Variants in FCRL6 observed in about 807,000 individuals in gnomAD.
FCRL6 encodes Fc receptor-like protein 6.
A neutral mutation model predicts 49.1 loss-of-function variants in FCRL6; 50 were observed. The observed-to-expected ratio is 1.02, with a 90% CI of 0.81 to 1.29. FCRL6 has a LOEUF of 1.29. Among genes scored for constraint, FCRL6 ranks in the 50% most tolerant of loss-of-function variants. The pLI, the probability that FCRL6 is intolerant of heterozygous loss-of-function variation, is 0.00. For synonymous variants in FCRL6, 213 were observed against 199.6 expected (o/e 1.07, Z -0.57); for missense variants, 571 against 518.5 (o/e 1.10, Z -0.98).
chr1:159,806,977 A>G (rs1438023076), intron 2 of FCRL6, among the ~76,000 whole-genome samples: 1 of 152,214 alleles, frequency 6.6e-6, no homozygotes, highest in East Asian at 1.9e-4. Flanking sequence ...TCAGAGAAGC[A>G]GCAGGCACCT....
At chr1:159,805,826 C>T (rs1662639229) in intron 1 of FCRL6, among the ~76,000 whole-genome samples, 1 of 152,174 alleles carries the variant, frequency 6.6e-6, no homozygotes, top group Admixed American at 6.5e-5. Context: ...TTTGCCAGAG[C>T]TCTGTGGAGA....
chr1:159,813,353 G>A, intron 6 of FCRL6, 136 bp from the exon 7 acceptor site: 1 of 705,688 alleles, frequency 1.4e-6, no homozygotes, highest in Admixed American at 2.2e-5. Context: ...GTCCAGACCT[G>A]TGAACTAGCC....
chr1:159,814,999 T>C (rs1663310787), intron 8 of FCRL6, among the ~76,000 whole-genome samples: 1 of 152,234 alleles, frequency 6.6e-6, no homozygotes, highest in South Asian at 2.1e-4. Context: ...GAATAGAACC[T>C]AGGTTCTAGA....
At chr1:159,811,674 A>C (rs1663093409) in intron 6 of FCRL6, among the ~76,000 whole-genome samples, 1 of 151,986 alleles carries the variant, frequency 6.6e-6, no homozygotes, top group Non-Finnish European at 1.5e-5. Flanking sequence ...TCCCATCCCC[A>C]CCCTTCTCAC....
upstream of FCRL6, chr1:159,802,323 GCCAC>G: frequency 7.2e-7 from 1 of 1,383,664 alleles, no homozygotes; most frequent in Non-Finnish European, 1.0e-6. Context: ...CCCAGCTCAG[GCCAC>G]CCACCCACCT....
upstream of FCRL6, among the ~76,000 whole-genome samples, chr1:159,800,784 C>G (rs769506936): frequency 6.6e-6 from 1 of 152,196 alleles, no homozygotes; most frequent in Non-Finnish European, 1.5e-5. Flanking sequence ...CTGTCCATTC[C>G]TGGCCTCAGC....
At chr1:159,811,222 C>T (rs902988490) in intron 6 of FCRL6, among the ~76,000 whole-genome samples, 9 of 152,220 alleles carry the variant, frequency 5.9e-5, no homozygotes, top group South Asian at 2.1e-4. Context: ...CCAACTCTAA[C>T]CTTTGCTCGC....
chr1:159,814,316 G>A, intron 8 of FCRL6, 24 bp downstream of exon 8: 2 of 1,604,306 alleles, frequency 1.2e-6, no homozygotes, highest in South Asian at 2.2e-5. Context: ...GGCCAAACTT[G>A]GTACCTTTGC....
intron 3 of FCRL6, 87 bp downstream of exon 3, chr1:159,808,531 C>A: frequency 6.6e-7 from 1 of 1,523,554 alleles, no homozygotes; most frequent in Non-Finnish European, 9.1e-7. Context: ...TGGGCTGGAC[C>A]CCTGTCTCTG....
chr1:159,810,135 C>CCT lies in FCRL6; in HGVS notation c.929_930dup (p.Trp311LeufsTer10). On this transcript the variant is annotated frameshift_variant, in exon 6 of 10. Coordinates refer to ENST00000368106, the MANE Select transcript of FCRL6 (RefSeq NM_001004310.3). LOFTEE classifies it high-confidence loss of function. ...CACTCCCGCCAGCAACTGGCTGGTT[C>CCT]CTTGGCTTCCTGCGAGCCTGCTTGG... 6.2e-7 allele frequency: 1 copy of CCT among 1,613,956 alleles called. No individual in the cohort carries two copies. The highest frequency in any genetic ancestry group is 8.5e-7 in the Non-Finnish European group (1 of 1,179,930).
At chr1:159,809,961 C>A in intron 5 of FCRL6, 133 bp from the exon 6 acceptor site, 1 of 1,130,370 alleles carries the variant, frequency 8.8e-7, no homozygotes, top group Non-Finnish European at 1.3e-6. Flanking sequence ...ATCCTTCATG[C>A]CCATCTATGA....
At chr1:159,807,551 G>A (rs61821627) in intron 2 of FCRL6, among the ~76,000 whole-genome samples, 13,458 of 152,268 alleles carry the variant, frequency 0.088, 821 homozygotes, top group Non-Finnish European at 0.13. Context: ...CCTTCCATAA[G>A]AGTGGTGGAA....
chr1:159,800,837 C>A (rs1337906477), upstream of FCRL6, among the ~76,000 whole-genome samples: 1 of 152,180 alleles, frequency 6.6e-6, no homozygotes, highest in Non-Finnish European at 1.5e-5. Context: ...GAACTTCTCA[C>A]TTAAAGATTT....
At chr1:159,801,933 T>A (rs1419232561), upstream of FCRL6, among the ~76,000 whole-genome samples, 3 of 152,012 alleles carry the variant, frequency 2.0e-5, no homozygotes, top group African/African-American at 4.8e-5. Context: ...CATTGCAGCA[T>A]CCACACACAT....
chr1:159,812,465 G>T (rs1663145667), intron 6 of FCRL6, among the ~76,000 whole-genome samples: 1 of 152,226 alleles, frequency 6.6e-6, no homozygotes, highest in South Asian at 2.1e-4. Context: ...CATGCAAGGG[G>T]TCCACTTCAA....
chr1:159,812,744 T>C (rs892613754), intron 6 of FCRL6, among the ~76,000 whole-genome samples: 4 of 152,240 alleles, frequency 2.6e-5, no homozygotes, highest in African/African-American at 9.6e-5. Context: ...CCAGTGATTC[T>C]GATGCTTTCT....
In FCRL6 at chr1:159,808,346, C is replaced by T. The variant is rs925142301; in HGVS notation, c.221C>T (p.Thr74Ile). ...CAGACTCTGTCCATGGGAGCAGCAA[C>T]AGTGCAGAGCCGTGGCCAGTACAGC... ...ENQTLSMGAA[T>I]VQSRGQYSCS... The change falls in exon 3 of 10, where the codon ACA becomes ATA. Residue 74 changes from threonine (T) to isoleucine (I), a missense_variant. Coordinates refer to ENST00000368106, the MANE Select transcript of FCRL6 (RefSeq NM_001004310.3). 12 of 1,614,118 alleles carry T rather than the reference C, an allele frequency of 7.4e-6. No homozygotes were observed. The African/African-American group carries it at 1.2e-4, about 16-fold the overall frequency.
chr1:159,810,049 T>C, intron 5 of FCRL6, 45 bp from the exon 6 acceptor site: 1 of 1,587,112 alleles, frequency 6.3e-7, no homozygotes, highest in Non-Finnish European at 8.6e-7. Context: ...CATTTCCGAA[T>C]TTTATCTTCA....
Position 159,802,421 on chromosome 1 carries a change from C to A in FCRL6, c.-4C>A. 1 of 1,613,806 alleles carries A rather than the reference C, an allele frequency of 6.2e-7. No homozygotes were observed. Reference sequence around the variant, plus strand: ...GTTCCCTCCGCTGTGCCAGAACAGGCCCCATGCTGCTCTGGACGGCTGTGC... The same window carrying A: ...GTTCCCTCCGCTGTGCCAGAACAGGACCCATGCTGCTCTGGACGGCTGTGC... On this transcript the variant is annotated 5_prime_UTR_variant, in exon 1 of 10. Transcript: ENST00000368106.
Sources: gnomAD v4.1 joint callset for allele counts (sites outside exome capture counted in the v4.1 genomes callset) on GRCh38, gnomAD v4.1.1 for gene constraint, MANE v1.5 for transcripts, NCBI Gene and HGNC (gene_info 2026-07-23, HGNC 2026-07-21) for gene names.